Variants in ATF1 observed in about 807,000 individuals in gnomAD.
ATF1 encodes activating transcription factor 1.
Under a neutral mutation model 34.7 loss-of-function variants are expected in ATF1, and 16 were observed. The observed-to-expected ratio is 0.46, with a 90% CI of 0.31 to 0.70. The LOEUF (loss-of-function observed/expected upper bound fraction) is 0.70. Among genes scored for constraint, ATF1 ranks in the 30% least tolerant of loss-of-function variants. ATF1 has a pLI of 0.05. For missense variants in ATF1, 255 were observed against 321.6 expected (o/e 0.79, Z 1.58); for synonymous variants, 105 against 113.1 (o/e 0.93, Z 0.46).
chr12:50,789,931 A>G (rs556001819), intron 2 of ATF1, among the ~76,000 whole-genome samples: 6 of 152,320 alleles, frequency 3.9e-5, no homozygotes, highest in Admixed American at 3.3e-4. Flanking sequence ...AATAAGGGAT[A>G]GGGACTACCA....
intron 3 of ATF1, among the ~76,000 whole-genome samples, chr12:50,800,059 A>C (rs994723582): frequency 6.6e-6 from 1 of 152,254 alleles, no homozygotes; most frequent in South Asian, 2.1e-4. Context: ...CAGACTTACC[A>C]TAATCAAACT....
chr12:50,803,260 C>A (rs1941549987), intron 3 of ATF1, among the ~76,000 whole-genome samples: 1 of 140,824 alleles, frequency 7.1e-6, no homozygotes, highest in Non-Finnish European at 1.6e-5. Flanking sequence ...AAGAGCGAAA[C>A]TCTGTCTCAA....
intron 3 of ATF1, among the ~76,000 whole-genome samples, chr12:50,796,849 G>GCAA (rs1941418403): frequency 6.6e-6 from 1 of 152,032 alleles, no homozygotes; most frequent in Non-Finnish European, 1.5e-5. Context: ...ATTGACCTTG[G>GCAA]CAATGATTTT....
At chr12:50,796,126 G>A (rs1226637402) in intron 3 of ATF1, 117 bp downstream of exon 3, 1 of 863,520 alleles carries the variant, frequency 1.2e-6, no homozygotes, top group Non-Finnish European at 1.7e-6. Context: ...AATGAAATTG[G>A]TTGGCCCTCG....
At chr12:50,793,808 G>A (rs1412862018) in intron 2 of ATF1, among the ~76,000 whole-genome samples, 1 of 151,754 alleles carries the variant, frequency 6.6e-6, no homozygotes, top group East Asian at 1.9e-4. Context: ...CATTTTTGAA[G>A]GAAATAACAT....
At chr12:50,794,403 A>C (rs1941369316) in intron 2 of ATF1, among the ~76,000 whole-genome samples, 1 of 151,486 alleles carries the variant, frequency 6.6e-6, no homozygotes, top group African/African-American at 2.4e-5. Context: ...CATCTCTACT[A>C]AAAATACAAA....
At chr12:50,799,906 AAG>A (rs1941480971) in intron 3 of ATF1, among the ~76,000 whole-genome samples, 1 of 152,188 alleles carries the variant, frequency 6.6e-6, no homozygotes, top group South Asian at 2.1e-4. Flanking sequence ...GAGTCTCAGA[AAG>A]AGAGGAAAAA....
At chr12:50,776,420 T>G (rs1940925719) in intron 1 of ATF1, among the ~76,000 whole-genome samples, 1 of 143,596 alleles carries the variant, frequency 7.0e-6, no homozygotes, top group East Asian at 2.0e-4. Context: ...TTGAGCCCAG[T>G]AGATTGAGAC....
chr12:50,780,777 A>G (rs1941042548), intron 2 of ATF1, among the ~76,000 whole-genome samples: 1 of 152,138 alleles, frequency 6.6e-6, no homozygotes, highest in South Asian at 2.1e-4. Context: ...CCTGACCAAC[A>G]TGGCGAAACC....
intron 2 of ATF1, among the ~76,000 whole-genome samples, chr12:50,790,179 T>C (rs1231265201): frequency 6.6e-6 from 1 of 150,514 alleles, no homozygotes. Flanking sequence ...AGCTGGACTC[T>C]CAAGACTTGT....
chr12:50,793,661 C>T (rs1941350596), intron 2 of ATF1, among the ~76,000 whole-genome samples: 1 of 148,472 alleles, frequency 6.7e-6, no homozygotes. Flanking sequence ...ATTTATGATG[C>T]TTGAGGAAAA....
intron 2 of ATF1, among the ~76,000 whole-genome samples, chr12:50,782,608 T>A (rs1013384736): frequency 6.9e-6 from 1 of 144,168 alleles, no homozygotes; most frequent in Non-Finnish European, 1.5e-5. Flanking sequence ...TTGCCCAGGC[T>A]GGTGTCAAAC....
intron 2 of ATF1, among the ~76,000 whole-genome samples, chr12:50,786,457 AC>A (rs1008470616): frequency 7.9e-5 from 12 of 152,078 alleles, no homozygotes; most frequent in Non-Finnish European, 1.5e-5. Flanking sequence ...GACAGTTCAT[AC>A]CCTCTTGTAG....
At chr12:50,815,871 T>C (rs1445437025) in intron 6 of ATF1, among the ~76,000 whole-genome samples, 1 of 152,204 alleles carries the variant, frequency 6.6e-6, no homozygotes, top group East Asian at 1.9e-4. Flanking sequence ...CAACTATGTG[T>C]CCATCAGTGG....
At chr12:50,781,712 A>T (rs962244274) in intron 2 of ATF1, among the ~76,000 whole-genome samples, 1 of 152,068 alleles carries the variant, frequency 6.6e-6, no homozygotes, top group Non-Finnish European at 1.5e-5. Flanking sequence ...CAGCCTCCCA[A>T]AATGCTGGGA....
upstream of ATF1, chr12:50,763,693 T>C (rs1940548093): frequency 6.6e-6 from 1 of 150,598 alleles, no homozygotes; most frequent in Non-Finnish European, 1.5e-5. Context: ...CACTCTTCAT[T>C]TCTCCTTCCA....
chr12:50,767,679 C>G (rs1409415852), intron 1 of ATF1, among the ~76,000 whole-genome samples: 4 of 152,190 alleles, frequency 2.6e-5, no homozygotes, highest in Non-Finnish European at 5.9e-5. Context: ...ACCTTTTAAC[C>G]ATGTGGTGGT....
At chr12:50,795,462 CTTCCCAGACCTA>C (rs1452593822) in intron 2 of ATF1, among the ~76,000 whole-genome samples, 4 of 152,230 alleles carry the variant, frequency 2.6e-5, no homozygotes, top group Non-Finnish European at 5.9e-5. Flanking sequence ...GCCCAGACCT[CTTCCCAGACCTA>C]CAGGCTTGTA....
chr12:50,781,931 A>C (rs1000283595), intron 2 of ATF1, among the ~76,000 whole-genome samples: 15 of 151,972 alleles, frequency 9.9e-5, no homozygotes, highest in African/African-American at 3.4e-4. Context: ...AAAAAAAAAA[A>C]AAATCATGCA....
Sources: allele counts gnomAD v4.1 joint callset (sites outside exome capture counted in the v4.1 genomes callset), GRCh38; gene constraint gnomAD v4.1.1; transcripts MANE v1.5; gene names NCBI Gene and HGNC (gene_info 2026-07-23, HGNC 2026-07-21).